Variants in MUC5AC observed in about 807,000 individuals in gnomAD.
The protein encoded by MUC5AC is mucin-5AC.
Under a neutral mutation model 169.7 loss-of-function variants are expected in MUC5AC, and 158 were observed. That is an observed-to-expected ratio of 0.93 (90% CI 0.82 to 1.06). The LOEUF (loss-of-function observed/expected upper bound fraction) is 1.06. Among genes scored for constraint, MUC5AC ranks in the 50% least tolerant of loss-of-function variants. The pLI, the probability that MUC5AC is intolerant of heterozygous loss-of-function variation, is 0.00. For missense variants in MUC5AC, 4,359 were observed against 3,089.9 expected, an observed-to-expected ratio of 1.41 and a Z score of -9.74; for synonymous variants, 1,975 against 1,237.0, an observed-to-expected ratio of 1.60 and a Z score of -12.52.
rs56360743 is a variant in MUC5AC, at chr11:1,165,706, G to A, written c.1332G>A (p.Thr444=). 17 of 1,612,476 alleles carry A rather than the reference G, an allele frequency of 1.1e-5. No individual in the cohort carries two copies. Among genetic ancestry groups the A allele is most frequent in the East Asian group, 4.5e-5 (2 of 44,886 alleles). The change falls in exon 11 of 49, where the codon ACG becomes ACA. Residue 444 remains threonine, a synonymous_variant. Transcript: ENST00000621226. The stretch of plus-strand genomic sequence containing the variant: ...TGCTTGGAGGTGCCCACTTCTCAAC[G>A]TTTGACGGGAAGCAATACACGGTGC... ...CSVLGGAHFS[T]FDGKQYTVHG... is the part of the protein sequence containing the mutation.
rs781484473 is a variant in MUC5AC, at chr11:1,192,307, G to A, written c.14162G>A (p.Arg4721His). 10 of 764,992 alleles carry A rather than the reference G, an allele frequency of 1.3e-5. No individual in the cohort carries two copies. The highest frequency in any genetic ancestry group is 1.7e-5 in the Non-Finnish European group (7 of 417,906). 47.4% of individuals were successfully genotyped at this position (764,992 alleles called of 1,614,324 possible). ...AAGATGTGCCTCAACTACGAGGTGC[G>A]CGTGCTCTGCTGCGAGACCCCCAGA... ...PFKMCLNYEV[R>H]VLCCETPRGC... The change falls in exon 31 of 49, where the codon CGC becomes CAC. Residue 4721 changes from arginine to histidine, a missense_variant. By Grantham distance (29) the Arg-to-His change is conservative. Coordinates refer to ENST00000621226, the MANE Select transcript of MUC5AC (RefSeq NM_001304359.2).
rs1860999008 is a variant in MUC5AC at position 1,188,162 on chromosome 11, T to G, written c.10017T>G (p.Pro3339=). The change falls in exon 31 of 49, where the codon CCT becomes CCG. Residue 3339 remains proline (P), a synonymous_variant. Transcript: ENST00000621226. The part of the protein sequence containing the change: ...TSTPVTAPST[P]SGRATSPTQS... ...CACCTGTGACAGCTCCTAGCACCCCTAGTGGGAGAGCCACCAGCCCAACTC... is the reference window on the plus strand; with the variant it reads ...CACCTGTGACAGCTCCTAGCACCCCGAGTGGGAGAGCCACCAGCCCAACTC... The G allele has an allele frequency of 2.8e-6, 2 of 712,366 alleles. No individual in the cohort carries two copies. The highest frequency in any genetic ancestry group is 5.1e-6 in the Non-Finnish European group (2 of 391,146). The allele number at this position is 712,366 out of a possible 1,614,324, so 44.1% of individuals were successfully genotyped here. A position where few individuals can be genotyped will look rare whatever the true frequency, so the allele number is the denominator to read the frequency against.
chr11:1,196,187 G>A, intron 37 of MUC5AC, 133 bp downstream of exon 37: 1 of 623,678 alleles, frequency 1.6e-6, no homozygotes. Context: ...AGGGCAGAGT[G>A]CACCCAGTTC....
chr11:1,161,145 G>C (rs561427601), intron 2 of MUC5AC, among the ~76,000 whole-genome samples: 2 of 152,204 alleles, frequency 1.3e-5, no homozygotes, highest in Admixed American at 1.3e-4. Flanking sequence ...CAGGGCAGGG[G>C]GCTTCAGGCA....
rs1860860521 is a variant in MUC5AC at position 1,183,594 on chromosome 11, C to T, written c.5449C>T (p.Leu1817=). ...GGTGCAGTGCAGCCGGGAAGAGGGCCTGGTGTGCCGGAACCAGGACCAGCA... is the reference window on the plus strand; with the variant it reads ...GGTGCAGTGCAGCCGGGAAGAGGGCTTGGTGTGCCGGAACCAGGACCAGCA... ...QVVQCSREEG[L]VCRNQDQQGP... The change falls in exon 31 of 49, where the codon CTG becomes TTG. Residue 1817 remains leucine (L), a synonymous_variant. Transcript: ENST00000621226. 1.6e-6 allele frequency: 1 copy of T among 644,486 alleles called. No individual in the cohort carries two copies. 39.9% of individuals were successfully genotyped at this position (644,486 alleles called of 1,614,324 possible).
rs1435930368 is a variant in MUC5AC, at chr11:1,158,087, C to A, written c.73+15C>A. On this transcript the variant is annotated intron_variant, in intron 1 of 48. Coordinates refer to ENST00000621226, the MANE Select transcript of MUC5AC (RefSeq NM_001304359.2). ...CCGGCATACAGGTACGGCTTGGCCC[C>A]TGGCCGCTCTACTGGTCCTGGGTGG... 3.1e-6 allele frequency: 5 copies of A among 1,589,200 alleles called. No homozygotes were observed. Among genetic ancestry groups the A allele is most frequent in the Non-Finnish European group, 4.3e-6 (5 of 1,170,716 alleles).
At chr11:1,159,729 G>GTGTGGGGCT (rs1860077254) in intron 1 of MUC5AC, among the ~76,000 whole-genome samples, 33 of 135,936 alleles carry the variant, frequency 2.4e-4, no homozygotes, top group African/African-American at 3.1e-4. Flanking sequence ...GTGCGGGGCT[G>GTGTGGGGCT]GGGTCTGGTC....
chr11:1,160,959 G>A (rs1343933906), intron 2 of MUC5AC, among the ~76,000 whole-genome samples: 1 of 152,196 alleles, frequency 6.6e-6, no homozygotes, highest in Non-Finnish European at 1.5e-5. Context: ...CGTGGGAGCC[G>A]GTCACCCTCC....
intron 2 of MUC5AC, 28 bp downstream of exon 2, chr11:1,160,717 TA>T: frequency 6.3e-7 from 1 of 1,593,114 alleles, no homozygotes; most frequent in Non-Finnish European, 8.5e-7. Context: ...GCCCCCACCC[TA>T]AGCCTGTCAG....
chr11:1,180,496 G>A lies in MUC5AC; in HGVS notation c.3756G>A (p.Ser1252=), dbSNP rs1483115940. 4.5e-5 allele frequency: 18 copies of A among 398,652 alleles called. No homozygotes were observed. Among genetic ancestry groups the A allele is most frequent in the African/African-American group, 1.6e-4 (8 of 48,640 alleles). 24.7% of individuals were successfully genotyped at this position (398,652 alleles called of 1,614,324 possible). The change falls in exon 28 of 49, where the codon TCG becomes TCA. Residue 1252 remains serine, a synonymous_variant. Coordinates refer to ENST00000621226, the MANE Select transcript of MUC5AC (RefSeq NM_001304359.2). ...KSYRPGAVVP[S]DKNCQSCLCT... The stretch of plus-strand genomic sequence containing the variant: ...ACCGGCCAGGTGCAGTGGTGCCCTC[G>A]GACAAGAACTGCCAGTCCTGGTGAG...
intron 15 of MUC5AC, among the ~76,000 whole-genome samples, chr11:1,170,064 CCTCA>C (rs1301554363): frequency 2.3e-5 from 3 of 128,824 alleles, no homozygotes; most frequent in Non-Finnish European, 3.3e-5. Flanking sequence ...CACTCACTCA[CCTCA>C]CTCACTCACC....
Position 1,178,631 on chromosome 11 carries a change from A to C in MUC5AC, c.3275A>C (p.Gln1092Pro), listed in dbSNP as rs898865604. 2 of 1,399,530 alleles carry C rather than the reference A, an allele frequency of 1.4e-6. No individual in the cohort carries two copies. The highest frequency in any genetic ancestry group is 1.9e-6 in the Non-Finnish European group (2 of 1,067,186). 86.7% of individuals were successfully genotyped at this position (1,399,530 alleles called of 1,614,324 possible). A position where few individuals can be genotyped will look rare whatever the true frequency, so the allele number is the denominator to read the frequency against. The change falls in exon 25 of 49, where the codon CAG (glutamine) becomes CCG (proline). Residue 1092 changes from glutamine to proline, a missense_variant. Coordinates refer to ENST00000621226, the MANE Select transcript of MUC5AC (RefSeq NM_001304359.2). ...TANPFRKSWA[Q>P]KQCSILHGPT... Reference sequence around the variant, plus strand: ...AACCCCTTCCGCAAGTCCTGGGCCCAGAAGCAGTGCAGCATCCTCCACGGC... The same window carrying C: ...AACCCCTTCCGCAAGTCCTGGGCCCCGAAGCAGTGCAGCATCCTCCACGGC...
chr11:1,163,720 C>T (rs771675864), intron 6 of MUC5AC, among the ~76,000 whole-genome samples, 162 bp from the exon 7 acceptor site: 19 of 152,094 alleles, frequency 1.2e-4, no homozygotes, highest in Middle Eastern at 3.2e-3. Flanking sequence ...GGTGGCCAAG[C>T]GGGTGCAGTC....
rs1861228360 is a variant in MUC5AC, at chr11:1,195,072, C to T, written c.15251C>T (p.Ser5084Phe). 2.6e-6 allele frequency: 2 copies of T among 757,650 alleles called. No homozygotes were observed. The highest frequency in any genetic ancestry group is 4.8e-6 in the Non-Finnish European group (2 of 414,822). The allele number at this position is 757,650 out of a possible 1,614,324, so 46.9% of individuals were successfully genotyped here. Residue 5084 changes from serine to phenylalanine, a missense_variant, in exon 36 of 49, where the codon TCC becomes TTC. By Grantham distance (155) the Ser-to-Phe change is radical. Coordinates refer to ENST00000621226, the MANE Select transcript of MUC5AC (RefSeq NM_001304359.2). ...ACGCCTAGGGGGACGGTGGTCGCTT[C>T]CTGCTCCGAGATGTCCGGCCTCTGG... is the stretch of plus-strand genomic sequence containing the variant. ...CRTPRGTVVA[S>F]CSEMSGLWNV...
At chr11:1,163,350 G>A (rs28668859) in intron 6 of MUC5AC, among the ~76,000 whole-genome samples, 6,109 of 152,268 alleles carry the variant, frequency 0.04, 162 homozygotes, top group Middle Eastern at 0.099. Context: ...TGGTCTTTGA[G>A]TCTCTGCCAC....
intron 20 of MUC5AC, 83 bp from the exon 21 acceptor site, chr11:1,176,431 T>C (rs1860691654): frequency 2.5e-6 from 1 of 398,874 alleles, no homozygotes; most frequent in Non-Finnish European, 4.4e-6. Flanking sequence ...CCCTCCACTG[T>C]GGTGTGGGTG....
chr11:1,200,814 C>A lies in MUC5AC; in HGVS notation c.*112C>A. On this transcript the variant is annotated 3_prime_UTR_variant, in exon 49 of 49. Transcript: ENST00000621226. ...CTGTCCAGGCGGCTGCAGCTTTGAA[C>A]ACACTGTCCACGCCCGCTTTCTTGT... is the stretch of plus-strand genomic sequence containing the variant. 1 of 655,022 alleles carries A rather than the reference C, an allele frequency of 1.5e-6. No homozygotes were observed. The allele number at this position is 655,022 out of a possible 1,614,324, so 40.6% of individuals were successfully genotyped here.
chr11:1,180,948 C>T (rs991792481), intron 28 of MUC5AC, among the ~76,000 whole-genome samples, 191 bp from the exon 29 acceptor site: 9 of 152,136 alleles, frequency 5.9e-5, no homozygotes, highest in East Asian at 1.9e-4. Context: ...CTTGGGCTGA[C>T]GCTGGAGAGA....
chr11:1,191,543 C>G lies in MUC5AC; in HGVS notation c.13398C>G (p.Thr4466=), dbSNP rs148774994. 1 of 646,850 alleles carries G rather than the reference C, an allele frequency of 1.5e-6. No individual in the cohort carries two copies. Among genetic ancestry groups the G allele is most frequent in the Non-Finnish European group, 2.8e-6 (1 of 353,478 alleles). The allele number at this position is 646,850 out of a possible 1,614,324, so 40.1% of individuals were successfully genotyped here. The change falls in exon 31 of 49, where the codon ACC becomes ACG. Residue 4466 remains threonine (T), a synonymous_variant. Coordinates refer to ENST00000621226, the MANE Select transcript of MUC5AC (RefSeq NM_001304359.2). Reference sequence around the variant, plus strand: ...TCTCTCTCCCTACAACCAGCACAACCTCTGCTCCTATAACCAGCATGACCT... The same window carrying G: ...TCTCTCTCCCTACAACCAGCACAACGTCTGCTCCTATAACCAGCATGACCT... ...STISLPTTST[T]SAPITSMTSG...
Sources: gnomAD v4.1 joint callset for allele counts (sites outside exome capture counted in the v4.1 genomes callset) on GRCh38, gnomAD v4.1.1 for gene constraint, MANE v1.5 for transcripts, NCBI Gene and HGNC (gene_info 2026-07-23, HGNC 2026-07-21) for gene names.